Variants in HS6ST2 observed in about 807,000 individuals in gnomAD.
HS6ST2 encodes heparan-sulfate 6-O-sulfotransferase 2.
Under a neutral mutation model 33.0 loss-of-function variants are expected in HS6ST2, and 17 were observed. The ratio of observed to expected loss-of-function variants is 0.52; its 90% CI spans 0.35 to 0.77. The LOEUF is 0.77. Ranked by LOEUF, HS6ST2 falls within the 30% of genes least tolerant of loss-of-function variation. The pLI, the probability that HS6ST2 is intolerant of heterozygous loss-of-function variation, is 0.01. For synonymous variants in HS6ST2, 248 were observed against 237.1 expected, an observed-to-expected ratio of 1.05 and a Z score of -0.42; for missense variants, 519 against 551.7, an observed-to-expected ratio of 0.94 and a Z score of 0.59.
At chrX:132,728,747 G>C (rs1333473117) in intron 2 of HS6ST2, among the ~76,000 whole-genome samples, 1 of 112,628 alleles carries the variant, frequency 8.9e-6, no homozygotes, top group East Asian at 2.8e-4. Context: ...AGCTTCAATG[G>C]GTTGTGAAGG....
At chrX:132,862,141 G>T (rs1285389082) in intron 2 of HS6ST2, among the ~76,000 whole-genome samples, 2 of 111,668 alleles carry the variant, frequency 1.8e-5, no homozygotes, top group Non-Finnish European at 3.8e-5. Context: ...TTATTCTTTT[G>T]TGATGCTCAG....
chrX:132,851,676 T>C (rs1204667402), intron 2 of HS6ST2, among the ~76,000 whole-genome samples: 1 of 111,582 alleles, frequency 9.0e-6, no homozygotes. Context: ...GGTGATATTG[T>C]CCATAAGGGG....
intron 3 of HS6ST2, among the ~76,000 whole-genome samples, chrX:132,680,177 G>T (rs1023926911): frequency 2.7e-5 from 3 of 109,810 alleles, no homozygotes; most frequent in African/African-American, 9.9e-5. Context: ...TTTAGAGATT[G>T]CAGTAAAGAC....
rs747881770 is a variant in HS6ST2, at chrX:132,736,768, C to A, written c.948-28274G>T. On this transcript the variant is annotated intron_variant, in intron 2 of 4. Transcript: ENST00000370833. ...ATACATGAATGAATGATCAAACACA[C>A]CTAAGATGGAAGGGTGGTATCAGGT... 1.6e-4 allele frequency among the ~76,000 whole-genome samples: 18 copies of A among 111,791 alleles called. No homozygotes were observed. The South Asian group carries it at 5.3e-3, about 33-fold the overall frequency.
At chrX:132,648,538 C>CAAA (rs386417567) in intron 4 of HS6ST2, among the ~76,000 whole-genome samples, 2,361 of 57,470 alleles carry the variant, frequency 0.041, 116 homozygotes, top group East Asian at 0.12. Flanking sequence ...TGGAAAGAGA[C>CAAA]AAAAAAAAAA....
At chrX:132,867,439 C>G (rs1457331129) in intron 2 of HS6ST2, among the ~76,000 whole-genome samples, 2 of 110,781 alleles carry the variant, frequency 1.8e-5, no homozygotes, top group African/African-American at 6.6e-5. Context: ...GTCTAAAATT[C>G]TCTTTTTTCG....
intron 2 of HS6ST2, among the ~76,000 whole-genome samples, chrX:132,877,628 A>G (rs1319358818): frequency 9.0e-6 from 1 of 111,248 alleles, no homozygotes; most frequent in African/African-American, 3.3e-5. Flanking sequence ...TCAGCTCGGT[A>G]TAATAAGGAA....
intron 2 of HS6ST2, among the ~76,000 whole-genome samples, chrX:132,942,389 A>G (rs1435917901): frequency 1.8e-5 from 2 of 111,759 alleles, no homozygotes; most frequent in East Asian, 5.6e-4. Flanking sequence ...AATGCCTGCC[A>G]GGCTGGTAGG....
chrX:132,644,839 C>G (rs2063628896), intron 4 of HS6ST2, among the ~76,000 whole-genome samples: 1 of 111,412 alleles, frequency 9.0e-6, no homozygotes, highest in South Asian at 3.8e-4. Context: ...CCCAAAGTGA[C>G]TCCACCTCTG....
At chrX:132,818,862 C>T (rs2065422316) in intron 2 of HS6ST2, among the ~76,000 whole-genome samples, 1 of 111,813 alleles carries the variant, frequency 8.9e-6, no homozygotes, top group African/African-American at 3.2e-5. Context: ...GTCAGCCAAC[C>T]CCCAGCACAT....
At chrX:132,739,531 A>G (rs2064546085) in intron 2 of HS6ST2, among the ~76,000 whole-genome samples, 2 of 110,442 alleles carry the variant, frequency 1.8e-5, no homozygotes. Context: ...CCTGGCCAAC[A>G]TGGTTAAACT....
At chrX:132,770,924 T>C (rs1378650627) in intron 2 of HS6ST2, among the ~76,000 whole-genome samples, 1 of 111,708 alleles carries the variant, frequency 9.0e-6, no homozygotes, top group African/African-American at 3.3e-5. Flanking sequence ...AAATGATCAA[T>C]AAGGAAATAG....
At chrX:132,685,162 A>G (rs748583094) in intron 3 of HS6ST2, among the ~76,000 whole-genome samples, 1 of 111,283 alleles carries the variant, frequency 9.0e-6, no homozygotes, top group South Asian at 3.8e-4. Context: ...ACAAATTAAA[A>G]CCCATATTAA....
At chrX:132,889,387 A>G (rs1381897470) in intron 2 of HS6ST2, among the ~76,000 whole-genome samples, 1 of 111,355 alleles carries the variant, frequency 9.0e-6, no homozygotes, top group Non-Finnish European at 1.9e-5. Context: ...AATGGTGTGC[A>G]GGATACAGGA....
intron 2 of HS6ST2, among the ~76,000 whole-genome samples, chrX:132,887,111 G>A (rs1469747937): frequency 9.1e-6 from 1 of 109,537 alleles, no homozygotes; most frequent in Non-Finnish European, 1.9e-5. Flanking sequence ...TCCAGCCTTG[G>A]TGACAGAGCA....
At chrX:132,873,616 T>C (rs746008690) in intron 2 of HS6ST2, among the ~76,000 whole-genome samples, 10 of 111,833 alleles carry the variant, frequency 8.9e-5, no homozygotes, top group Admixed American at 2.9e-4. Flanking sequence ...GCTCATAGTT[T>C]GGTGGATCTG....
chrX:132,721,845 C>CA (rs1426904879), intron 2 of HS6ST2, among the ~76,000 whole-genome samples: 1 of 110,673 alleles, frequency 9.0e-6, no homozygotes, highest in Non-Finnish European at 1.9e-5. Context: ...ACCCTTCTTG[C>CA]AAAAAAGAGG....
intron 2 of HS6ST2, among the ~76,000 whole-genome samples, chrX:132,949,127 C>G (rs762961332): frequency 9.0e-6 from 1 of 110,890 alleles, no homozygotes; most frequent in Admixed American, 9.7e-5. Flanking sequence ...TTCTGCTGGA[C>G]GAGAGCAACA....
At chrX:132,904,517 TTTC>T (rs1311322575) in intron 2 of HS6ST2, among the ~76,000 whole-genome samples, 2 of 95,135 alleles carry the variant, frequency 2.1e-5, no homozygotes, top group Admixed American at 1.1e-4. Context: ...CCTTTTTTAT[TTTC>T]TTTTTTTTCT....
Sources: gnomAD v4.1 joint callset for allele counts (sites outside exome capture counted in the v4.1 genomes callset) on GRCh38, gnomAD v4.1.1 for gene constraint, MANE v1.5 for transcripts, NCBI Gene and HGNC (gene_info 2026-07-23, HGNC 2026-07-21) for gene names.